ADH4: variants seen among roughly 807,000 people sequenced by gnomAD.
The protein encoded by ADH4 is alcohol dehydrogenase 4 (class II), pi polypeptide, also known as all-trans-retinol dehydrogenase [NAD(+)] ADH4.
A neutral mutation model predicts 35.2 loss-of-function variants in ADH4; 31 were observed. The observed-to-expected ratio is 0.88, with a 90% CI of 0.66 to 1.19. The LOEUF is 1.19. Among genes scored for constraint, ADH4 ranks in the 50% most tolerant of loss-of-function variants. ADH4 has a pLI of 0.00. For synonymous variants in ADH4, 171 were observed against 160.2 expected (o/e 1.07, Z -0.51); for missense variants, 476 against 458.3 (o/e 1.04, Z -0.35).
intron 8 of ADH4, among the ~76,000 whole-genome samples, chr4:99,125,729 C>T (rs1162105977): frequency 6.6e-6 from 1 of 152,174 alleles, no homozygotes; most frequent in Non-Finnish European, 1.5e-5. Context: ...GGGATATTTC[C>T]TCAGGTTTCT....
intron 5 of ADH4, among the ~76,000 whole-genome samples, chr4:99,134,354 T>C (rs991436548): frequency 1.3e-5 from 2 of 151,328 alleles, no homozygotes; most frequent in Admixed American, 1.3e-4. Context: ...GGATACATTA[T>C]TAGCTTGATT....
chr4:99,126,822 T>A, intron 7 of ADH4, 90 bp from the exon 8 acceptor site: 1 of 1,324,430 alleles, frequency 7.6e-7, no homozygotes, highest in East Asian at 2.3e-5. Context: ...AATTATTAGG[T>A]CAGATTTGGT....
rs29001204 is a variant in ADH4, at chr4:99,131,909, T to A, written c.583-145A>T. On this transcript the variant is annotated intron_variant, in intron 5 of 8. Transcript: ENST00000265512. The stretch of plus-strand genomic sequence containing the variant: ...TCTATGATATAGCCAATGGAGGAAA[T>A]CTGCCAATGCGAAAATGGATGCATT... 4.6e-3 allele frequency: 3,746 copies of A among 819,726 alleles called. 91 individuals carry two copies. The African/African-American group carries it at 0.058, about 13-fold the overall frequency. The allele number at this position is 819,726 out of a possible 1,614,324, so 50.8% of individuals were successfully genotyped here.
Position 99,124,220 on chromosome 4 carries a change from T to C in ADH4, c.*222A>G. ...TAAACAATTTCTAAAGATGATATGA[T>C]TCTATTCATAAACACTAGTTATTAT... On this transcript the variant is annotated 3_prime_UTR_variant, in exon 9 of 9. Coordinates refer to ENST00000265512, the MANE Select transcript of ADH4 (RefSeq NM_000670.5). 2.4e-6 allele frequency: 1 copy of C among 424,836 alleles called. No homozygotes were observed. The highest frequency in any genetic ancestry group is 4.1e-6 in the Non-Finnish European group (1 of 240,978). 26.3% of individuals were successfully genotyped at this position (424,836 alleles called of 1,614,324 possible).
In ADH4 at chr4:99,139,164, A is replaced by G. The variant is rs1371189686; in HGVS notation, c.263-16T>C. The G allele has an allele frequency of 1.9e-6, 3 of 1,575,824 alleles. No individual in the cohort carries two copies. Among genetic ancestry groups the G allele is most frequent in the East Asian group, 2.2e-5 (1 of 44,608 alleles). On this transcript the variant is annotated splice_polypyrimidine_tract_variant and intron_variant, in intron 3 of 8. Transcript: ENST00000265512. ...ACTTTGTCACCTAGAAAGAAAGGCCATATGTTGGATGGTGCCTAAGGTGTT... is the reference window on the plus strand; with the variant it reads ...ACTTTGTCACCTAGAAAGAAAGGCCGTATGTTGGATGGTGCCTAAGGTGTT...
rs1320293544 is a variant in ADH4 at position 99,131,617 on chromosome 4, T to G, written c.730A>C (p.Thr244Pro). The change falls in exon 6 of 9, where the codon ACT becomes CCT. Residue 244 changes from threonine (T) to proline (P), a missense_variant. By Grantham distance (38) the Thr-to-Pro change is conservative (BLOSUM62 -1). Coordinates refer to ENST00000265512, the MANE Select transcript of ADH4 (RefSeq NM_000670.5). ...KFVKAKALGA[T>P]DCLNPRDLHK... The stretch of plus-strand genomic sequence containing the variant: ...AAGTCTCTAGGATTGAGGCAGTCAG[T>G]GGCTCCCAGGGCTTTAGCCTTCACA... 1 of 1,614,042 alleles carries G rather than the reference T, an allele frequency of 6.2e-7. No homozygotes were observed. The highest frequency in any genetic ancestry group is 8.5e-7 in the Non-Finnish European group (1 of 1,180,018).
intron 5 of ADH4, among the ~76,000 whole-genome samples, chr4:99,135,260 C>G (rs1403182158): frequency 6.6e-6 from 1 of 151,804 alleles, no homozygotes; most frequent in Non-Finnish European, 1.5e-5. Flanking sequence ...GAGACCCTGT[C>G]TCTATAAAAA....
At chr4:99,129,557 AC>A (rs1297974639) in intron 6 of ADH4, among the ~76,000 whole-genome samples, 1 of 152,192 alleles carries the variant, frequency 6.6e-6, no homozygotes, top group African/African-American at 2.4e-5. Context: ...TAGTTTTATA[AC>A]CTGTTTCTTT....
chr4:99,135,241 C>T (rs370086185), intron 5 of ADH4, among the ~76,000 whole-genome samples: 1 of 151,700 alleles, frequency 6.6e-6, no homozygotes. Flanking sequence ...CCAGCCTGGG[C>T]GACATAGGGA....
At position 99,124,284 on chromosome 4, in the gene ADH4, T is replaced by C; in HGVS notation, c.*158A>G. 1.7e-6 allele frequency: 1 copy of C among 595,822 alleles called. No homozygotes were observed. Among genetic ancestry groups the C allele is most frequent in the Non-Finnish European group, 3.0e-6 (1 of 338,466 alleles). The allele number at this position is 595,822 out of a possible 1,614,324, so 36.9% of individuals were successfully genotyped here. On this transcript the variant is annotated 3_prime_UTR_variant, in exon 9 of 9. Coordinates refer to ENST00000265512, the MANE Select transcript of ADH4 (RefSeq NM_000670.5). The stretch of plus-strand genomic sequence containing the variant: ...AGGGAATATTCATATATATAACAGG[T>C]ACAAAGTCTATAATATTTAAAGCTC...
intron 6 of ADH4, among the ~76,000 whole-genome samples, chr4:99,130,631 T>G (rs1729242402): frequency 6.6e-6 from 1 of 152,212 alleles, no homozygotes; most frequent in Non-Finnish European, 1.5e-5. Flanking sequence ...ATGACTTTCA[T>G]GGTATAATAA....
chr4:99,142,839 G>A (rs1579406877), intron 1 of ADH4, 59 bp from the exon 2 acceptor site: 2 of 1,297,728 alleles, frequency 1.5e-6, no homozygotes, highest in Non-Finnish European at 2.1e-6. Flanking sequence ...ACAGGGTTGG[G>A]GGTAGGAGAG....
At position 99,136,597 on chromosome 4, in the gene ADH4, T is replaced by C. The variant is rs1729440708; in HGVS notation, c.451A>G (p.Thr151Ala). ...KPVYHFFGTS[T>A]FSQYTVVSDI... The stretch of plus-strand genomic sequence containing the variant: ...GACACCACAGTGTACTGAGAGAATG[T>C]ACTGGTTCCAAAGAAATGGTAAACT... Residue 151 changes from threonine to alanine, a missense_variant, in exon 5 of 9, where the codon ACA (threonine) becomes GCA (alanine). By Grantham distance (58) the Thr-to-Ala change is moderately conservative. Transcript: ENST00000265512. 1 of 1,614,136 alleles carries C rather than the reference T, an allele frequency of 6.2e-7. No individual in the cohort carries two copies. Among genetic ancestry groups the C allele is most frequent in the Non-Finnish European group, 8.5e-7 (1 of 1,179,968 alleles).
intron 1 of ADH4, chr4:99,143,020 A>AG: frequency 1.5e-6 from 1 of 665,022 alleles, no homozygotes; most frequent in South Asian, 1.7e-5. Flanking sequence ...TTCTTGAAAA[A>AG]AAAACAGGTG....
Position 99,141,564 on chromosome 4 carries a change from G to A in ADH4, c.239C>T (p.Pro80Leu), listed in dbSNP as rs1729620808. Reference sequence around the variant, plus strand: ...ACCTGGTTTGACGTTGGTCACTCCTGGCCCAATACTTTCCACAATACCTGC... The same window carrying A: ...ACCTGGTTTGACGTTGGTCACTCCTAGCCCAATACTTTCCACAATACCTGC... Reference protein sequence around the residue: ...EAAGIVESIGPGVTNVKPGDK... With the variant: ...EAAGIVESIGLGVTNVKPGDK... The change falls in exon 3 of 9, where the codon CCA becomes CTA. Residue 80 changes from proline (P) to leucine (L), a missense_variant. Transcript: ENST00000265512. 6.2e-7 allele frequency: 1 copy of A among 1,613,910 alleles called. No homozygotes were observed. The highest frequency in any genetic ancestry group is 8.5e-7 in the Non-Finnish European group (1 of 1,179,956).
In ADH4 at chr4:99,127,346, T is replaced by G. The variant is rs746373481; in HGVS notation, c.844-2A>C. ...GGTTGTACAGTCCAGGGCTGCTTTC[T>G]GTGATGGAGCATAAAAGAATACTTG... On this transcript the variant is annotated splice_acceptor_variant, in intron 6 of 8. Transcript: ENST00000265512. LOFTEE classifies it high-confidence loss of function. The G allele has an allele frequency of 6.3e-7, 1 of 1,590,104 alleles. No homozygotes were observed.
chr4:99,129,979 C>T (rs1436567696), intron 6 of ADH4, among the ~76,000 whole-genome samples: 1 of 152,202 alleles, frequency 6.6e-6, no homozygotes, highest in Admixed American at 6.5e-5. Context: ...GAAGCAGTCA[C>T]ACTACCAGTT....
At chr4:99,135,283 G>T (rs1378459787) in intron 5 of ADH4, among the ~76,000 whole-genome samples, 3 of 151,992 alleles carry the variant, frequency 2.0e-5, no homozygotes, top group Admixed American at 6.6e-5. Context: ...TAAAAAAATA[G>T]CCAGGCATCG....
intron 8 of ADH4, among the ~76,000 whole-genome samples, chr4:99,125,149 C>T (rs1178399156): frequency 6.6e-6 from 1 of 152,214 alleles, no homozygotes; most frequent in Non-Finnish European, 1.5e-5. Context: ...CCCATCCCCC[C>T]ACTTCCTTGC....
Sources: allele counts gnomAD v4.1 joint callset (sites outside exome capture counted in the v4.1 genomes callset), GRCh38; gene constraint gnomAD v4.1.1; transcripts MANE v1.5; gene names NCBI Gene and HGNC (gene_info 2026-07-23, HGNC 2026-07-21).